The following CTNNA2 variants were observed in gnomAD, a reference collection of about 807,000 sequenced individuals.
CTNNA2 encodes the protein catenin alpha 2, also known as catenin alpha-2.
A neutral mutation model predicts 101.0 loss-of-function variants in CTNNA2; 42 were observed. The ratio of observed to expected loss-of-function variants is 0.42; its 90% CI spans 0.32 to 0.54. CTNNA2 has a LOEUF of 0.54. CTNNA2 is among the 20% of genes least tolerant of loss of function. CTNNA2 has a pLI of 0.14. For missense variants in CTNNA2, 871 were observed against 1,223.1 expected, an observed-to-expected ratio of 0.71 and a Z score of 4.29; for synonymous variants, 450 against 456.4, an observed-to-expected ratio of 0.99 and a Z score of 0.18.
At chr2:80,456,001 C>T (rs1388398524) in intron 9 of CTNNA2, among the ~76,000 whole-genome samples, 1 of 152,138 alleles carries the variant, frequency 6.6e-6, no homozygotes, top group Non-Finnish European at 1.5e-5. Flanking sequence ...ACAAAATGTC[C>T]CTTTTACTGT....
intron 7 of CTNNA2, among the ~76,000 whole-genome samples, chr2:80,310,209 CA>C (rs1267740226): frequency 1.3e-5 from 2 of 152,000 alleles, no homozygotes; most frequent in Non-Finnish European, 2.9e-5. Context: ...GAATTGGGTC[CA>C]AAAAAATAAA....
chr2:79,659,272 G>A lies in CTNNA2; in HGVS notation c.102+7614G>A, dbSNP rs533153583. ...TTTCTTATAGAATTTACAAAATATA[G>A]CATTTTATGCAAGAATTTACTGAAA... is the stretch of plus-strand genomic sequence containing the variant. On this transcript the variant is annotated intron_variant, in intron 2 of 18. Coordinates refer to ENST00000402739, the MANE Select transcript of CTNNA2 (RefSeq NM_001282597.3). 1.8e-4 allele frequency among the ~76,000 whole-genome samples: 27 copies of A among 146,046 alleles called. No individual in the cohort carries two copies. In the East Asian group the frequency reaches 3.3e-3, roughly 18 times the overall value.
intron 4 of CTNNA2, among the ~76,000 whole-genome samples, chr2:79,408,524 A>G (rs911633305): frequency 6.2e-5 from 9 of 144,232 alleles, no homozygotes; most frequent in African/African-American, 2.3e-4. Context: ...CTCATTGTTC[A>G]ATTCCCACCT....
chr2:80,576,386 T>TTTTTTAC (rs1695049264), intron 13 of CTNNA2: 1 of 151,490 alleles, frequency 6.6e-6, no homozygotes. Flanking sequence ...TTTTTTTTTT[T>TTTTTTAC]TGCTTCTTCC....
At chr2:80,599,169 CAAACTT>C (rs746468205) in intron 15 of CTNNA2, among the ~76,000 whole-genome samples, 12 of 152,080 alleles carry the variant, frequency 7.9e-5, no homozygotes, top group Non-Finnish European at 5.9e-5. Context: ...AAATAGAAGA[CAAACTT>C]AAATAAAATT....
At chr2:79,509,982 A>T (rs1671500649), upstream of CTNNA2, among the ~76,000 whole-genome samples, 1 of 152,238 alleles carries the variant, frequency 6.6e-6, no homozygotes, top group African/African-American at 2.4e-5. Flanking sequence ...TGGAGCTGAC[A>T]GACTGAATTA....
intron 7 of CTNNA2, among the ~76,000 whole-genome samples, chr2:80,274,773 A>G (rs1298742462): frequency 6.6e-6 from 1 of 152,128 alleles, no homozygotes; most frequent in Admixed American, 6.6e-5. Flanking sequence ...CATTGCCTGG[A>G]GAAGTTCTCA....
intron 7 of CTNNA2, among the ~76,000 whole-genome samples, chr2:80,145,776 T>C (rs10496238): frequency 0.51 from 77,546 of 152,072 alleles, 20,446 homozygotes; most frequent in Non-Finnish European, 0.57. Flanking sequence ...AGCAATCTAA[T>C]GTGTATATGA....
At chr2:80,436,993 T>C (rs1682098937) in intron 9 of CTNNA2, among the ~76,000 whole-genome samples, 1 of 152,156 alleles carries the variant, frequency 6.6e-6, no homozygotes, top group Non-Finnish European at 1.5e-5. Context: ...TTTTAGGAAG[T>C]GACTGGGTAA....
At chr2:79,994,843 C>T (rs549909410) in intron 7 of CTNNA2, among the ~76,000 whole-genome samples, 1 of 152,242 alleles carries the variant, frequency 6.6e-6, no homozygotes. Context: ...AGATATCACC[C>T]TGACTTCCGC....
chr2:79,646,131 T>C (rs1680795980), intron 1 of CTNNA2, among the ~76,000 whole-genome samples: 1 of 152,130 alleles, frequency 6.6e-6, no homozygotes, highest in African/African-American at 2.4e-5. Flanking sequence ...GGAGATAATT[T>C]AGAAAGGTGA....
At chr2:79,896,439 TC>T in intron 6 of CTNNA2, among the ~76,000 whole-genome samples, 1 of 152,352 alleles carries the variant, frequency 6.6e-6, no homozygotes, top group East Asian at 1.9e-4. Flanking sequence ...CATATATTCA[TC>T]TGCAAATATT....
chr2:79,687,565 G>A (rs1005725484), intron 2 of CTNNA2: 2 of 703,848 alleles, frequency 2.8e-6, no homozygotes, highest in Non-Finnish European at 5.3e-6. Flanking sequence ...GCCTTGCAGT[G>A]CATTTTTTTT....
At chr2:79,614,641 G>T in intron 1 of CTNNA2, among the ~76,000 whole-genome samples, 1 of 152,166 alleles carries the variant, frequency 6.6e-6, no homozygotes, top group South Asian at 2.1e-4. Flanking sequence ...AAAATAAAAT[G>T]ATATTCTTAT....
chr2:79,503,142 T>G (rs567666743), intron 4 of CTNNA2, among the ~76,000 whole-genome samples: 3 of 152,174 alleles, frequency 2.0e-5, no homozygotes, highest in Non-Finnish European at 4.4e-5. Context: ...CATCTGCTTT[T>G]TCTGCTTCCA....
intron 7 of CTNNA2, chr2:80,304,933 A>C: frequency 7.3e-5 from 11 of 151,662 alleles, no homozygotes; most frequent in Non-Finnish European, 1.4e-4. Flanking sequence ...AAAAAAAAGG[A>C]GGGGGGAGGG....
At chr2:80,466,111 G>A (rs572135902) in intron 9 of CTNNA2, among the ~76,000 whole-genome samples, 10 of 152,214 alleles carry the variant, frequency 6.6e-5, no homozygotes, top group Admixed American at 3.3e-4. Flanking sequence ...TTCTTCCTCT[G>A]TAACTTATAT....
At chr2:79,577,940 A>C (rs1675899556) in intron 1 of CTNNA2, among the ~76,000 whole-genome samples, 1 of 152,202 alleles carries the variant, frequency 6.6e-6, no homozygotes, top group African/African-American at 2.4e-5. Flanking sequence ...AATTCATTTG[A>C]TAACTGAAAA....
chr2:80,514,738 C>G (rs1573095188), intron 9 of CTNNA2, among the ~76,000 whole-genome samples: 1 of 152,132 alleles, frequency 6.6e-6, no homozygotes, highest in African/African-American at 2.4e-5. Context: ...CAAGTCACCT[C>G]TCTCCAGTCA....
Sources: allele counts gnomAD v4.1 joint callset (sites outside exome capture counted in the v4.1 genomes callset), GRCh38; gene constraint gnomAD v4.1.1; transcripts MANE v1.5; gene names NCBI Gene and HGNC (gene_info 2026-07-23, HGNC 2026-07-21).